The following UCKL1 variants were observed in gnomAD, a reference collection of about 807,000 sequenced individuals.
UCKL1 encodes the protein uridine-cytidine kinase 1 like 1, also known as uridine-cytidine kinase-like 1.
In UCKL1, 65 loss-of-function variants were observed where a neutral mutation model predicts 59.2. That is an observed-to-expected ratio of 1.10 (90% confidence interval 0.90 to 1.35). UCKL1 has a LOEUF of 1.35. Ranked by LOEUF, UCKL1 falls within the 40% of genes most tolerant of loss-of-function variation. The probability of loss-of-function intolerance (pLI) is 0.00; values close to 1 mark genes in which losing one functional copy is unlikely to be tolerated. For synonymous variants in UCKL1, 410 were observed against 323.1 expected (o/e 1.27, Z -2.88); for missense variants, 703 against 784.3 (o/e 0.90, Z 1.24).
intron 5 of UCKL1, among the ~76,000 whole-genome samples, 159 bp downstream of exon 5, chr20:63,945,492 G>T (rs1237294796): frequency 2.0e-5 from 3 of 152,250 alleles, no homozygotes; most frequent in Admixed American, 2.0e-4. Flanking sequence ...GATGGACCCA[G>T]CTGTGGCATG....
intron 1 of UCKL1, 40 bp from the exon 2 acceptor site, chr20:63,946,683 C>T: frequency 1.3e-6 from 2 of 1,585,748 alleles, no homozygotes; most frequent in Non-Finnish European, 1.7e-6. Context: ...CCAGAGCTGC[C>T]CACCTCCCAG....
Position 63,946,446 on chromosome 20 carries a change from C to T in UCKL1, c.304+7G>A. The T allele has an allele frequency of 6.5e-7, 1 of 1,549,186 alleles. No individual in the cohort carries two copies. Among genetic ancestry groups the T allele is most frequent in the East Asian group, 2.3e-5 (1 of 43,598 alleles). On this transcript the variant is annotated splice_region_variant and intron_variant, in intron 2 of 14. Coordinates refer to ENST00000354216, the MANE Select transcript of UCKL1 (RefSeq NM_017859.4). ...GGCAGCAGGTCCCACCCCCCCGCTG[C>T]TCTCACCGATGGCGAAGGCCTCTTT...
chr20:63,945,994 G>A lies in UCKL1; in HGVS notation c.412-19C>T. On this transcript the variant is annotated intron_variant, in intron 3 of 14. Coordinates refer to ENST00000354216, the MANE Select transcript of UCKL1 (RefSeq NM_017859.4). ...TCAGCACCTGGTGGGGGAGGCTGTG[G>A]AGCAGCTGTGGGCACAGTAGGGCCC... 1.9e-6 allele frequency: 3 copies of A among 1,613,506 alleles called. No individual in the cohort carries two copies. The highest frequency in any genetic ancestry group is 2.2e-5 in the East Asian group (1 of 44,876).
At chr20:63,950,238 G>A (rs1160172221) in intron 1 of UCKL1, among the ~76,000 whole-genome samples, 4 of 152,144 alleles carry the variant, frequency 2.6e-5, no homozygotes, top group Admixed American at 1.3e-4. Context: ...GTCTGTCTCA[G>A]AGCCAAGGAC....
rs778092541 is a variant in UCKL1, at chr20:63,940,196, C to T, written c.1521G>A (p.Ala507=). The T allele has an allele frequency of 1.7e-5, 27 of 1,612,780 alleles. 2 individuals are homozygous for T. The South Asian group carries it at 2.0e-4, about 12-fold the overall frequency. ...AAAGGTCATTGACCCGCTTGTCCAC[C>T]GCCGTGGTGATGATTCTCACTCGCG... The part of the protein sequence containing the change: ...AFPRVRIITT[A]VDKRVNDLFR... Residue 507 remains alanine, a synonymous_variant, in exon 14 of 15, where the codon GCG becomes GCA. Coordinates refer to ENST00000354216, the MANE Select transcript of UCKL1 (RefSeq NM_017859.4).
rs752075594 is a variant in UCKL1, at chr20:63,946,593, C to A, written c.164G>T (p.Arg55Leu). ...DRLLPPVGTG[R>L]SPRKRTTSQC... ...GCTGGTGGTCCGCTTCCGGGGAGAG[C>A]GCCCAGTGCCCACAGGTGGCAGGAG... is the stretch of plus-strand genomic sequence containing the variant. The change falls in exon 2 of 15, where the codon CGC (arginine) becomes CTC (leucine). Residue 55 changes from arginine (R) to leucine (L), a missense_variant. By Grantham distance (102) the Arg-to-Leu change is moderately radical. Transcript: ENST00000354216. 1 of 1,611,050 alleles carries A rather than the reference C, an allele frequency of 6.2e-7. No individual in the cohort carries two copies. Among genetic ancestry groups the A allele is most frequent in the Non-Finnish European group, 8.5e-7 (1 of 1,179,826 alleles).
chr20:63,942,590 G>A lies in UCKL1; in HGVS notation c.923+1063C>T, dbSNP rs939814345. On this transcript the variant is annotated intron_variant, in intron 8 of 14. Transcript: ENST00000354216. ...ACAAAGAGAAGGCTGCTTAGTTGGG[G>A]AGCAGGGCGTTCCCCGCAGGCCTGA... The A allele has an allele frequency of 7.6e-6, 6 of 792,198 alleles. No individual in the cohort carries two copies. The African/African-American group carries it at 9.2e-5, about 12-fold the overall frequency. 49.1% of individuals were successfully genotyped at this position (792,198 alleles called of 1,614,324 possible).
chr20:63,944,670 C>T lies in UCKL1; in HGVS notation c.719G>A (p.Arg240Gln). The T allele has an allele frequency of 1.9e-6, 3 of 1,612,672 alleles. No individual in the cohort carries two copies. The highest frequency in any genetic ancestry group is 2.5e-6 in the Non-Finnish European group (3 of 1,179,940). Reference sequence around the variant, plus strand: ...GTCCCGGCCGCGCTCACTGATGTCCCGGCGCAGCCGCCGTACCAGGCGGAT... The same window carrying T: ...GTCCCGGCCGCGCTCACTGATGTCCTGGCGCAGCCGCCGTACCAGGCGGAT... ...SDIRLVRRLRRDISERGRDIE... is the reference protein window; with the variant it reads ...SDIRLVRRLRQDISERGRDIE... Residue 240 changes from arginine (R) to glutamine (Q), a missense_variant, in exon 6 of 15, where the codon CGG becomes CAG. Arg to Gln is a conservative substitution (Grantham distance 43). Around this residue, in one of 4 missense-constraint regions of UCKL1, gnomAD observed 398 missense variants for 373.0 expected, o/e 1.07. Coordinates refer to ENST00000354216, the MANE Select transcript of UCKL1 (RefSeq NM_017859.4).
chr20:63,947,743 C>T (rs2056632754), intron 1 of UCKL1, among the ~76,000 whole-genome samples: 1 of 152,266 alleles, frequency 6.6e-6, no homozygotes, highest in Admixed American at 6.5e-5. Flanking sequence ...TGCCACCTGT[C>T]TGGGCTGCCG....
Position 63,956,156 on chromosome 20 carries a change from T to A in UCKL1, c.113+104A>T. 3 of 1,071,898 alleles carry A rather than the reference T, an allele frequency of 2.8e-6. No homozygotes were observed. The South Asian group carries it at 5.9e-5, about 21-fold the overall frequency. 66.4% of individuals were successfully genotyped at this position (1,071,898 alleles called of 1,614,324 possible). On this transcript the variant is annotated intron_variant, in intron 1 of 14. Coordinates refer to ENST00000354216, the MANE Select transcript of UCKL1 (RefSeq NM_017859.4). ...GGCGCCGCCGCCTGGCCTCCGGGAG[T>A]GGGGGACTTGGGCTCGCGGCGGGGA...
chr20:63,940,749 C>T (rs1342951443), intron 11 of UCKL1, 33 bp from the exon 12 acceptor site: 8 of 1,605,732 alleles, frequency 5.0e-6, no homozygotes, highest in African/African-American at 1.3e-5. Context: ...GCCCACATCC[C>T]GCCCCAGCAG....
rs541447331 is a variant in UCKL1, at chr20:63,946,768, C to T, written c.114-125G>A. 5.0e-6 allele frequency: 5 copies of T among 991,692 alleles called. No individual in the cohort carries two copies. In the East Asian group the frequency reaches 1.1e-4, roughly 21 times the overall value. The allele number at this position is 991,692 out of a possible 1,614,324, so 61.4% of individuals were successfully genotyped here. A position where few individuals can be genotyped will look rare whatever the true frequency, so the allele number is the denominator to read the frequency against. On this transcript the variant is annotated intron_variant, in intron 1 of 14. Coordinates refer to ENST00000354216, the MANE Select transcript of UCKL1 (RefSeq NM_017859.4). ...CAGGCATGGCTGAGGCGGGCAGGCTCATTGGGGGTACATAAGAACTCTGCC... is the reference window on the plus strand; with the variant it reads ...CAGGCATGGCTGAGGCGGGCAGGCTTATTGGGGGTACATAAGAACTCTGCC...
chr20:63,946,150 C>CG lies in UCKL1; in HGVS notation c.411+10dup, dbSNP rs1388789800. 1 of 1,611,186 alleles carries CG rather than the reference C, an allele frequency of 6.2e-7. No homozygotes were observed. The highest frequency in any genetic ancestry group is 1.3e-5 in the African/African-American group (1 of 74,864). On this transcript the variant is annotated intron_variant, in intron 3 of 14. Transcript: ENST00000354216. ...CAAAGGGGTCCTCGGGGGAGCTGGG[C>CG]GGGGGCCCACCTTGTAGAAGGAGTC...
chr20:63,946,599 G>C lies in UCKL1; in HGVS notation c.158C>G (p.Thr53Ser), dbSNP rs550770161. The change falls in exon 2 of 15, where the codon ACT becomes AGT. Residue 53 changes from threonine to serine, a missense_variant. Around this residue, in one of 4 missense-constraint regions of UCKL1, gnomAD observed 398 missense variants for 373.0 expected, o/e 1.07. Transcript: ENST00000354216. ...GGTCCGCTTCCGGGGAGAGCGCCCA[G>C]TGCCCACAGGTGGCAGGAGCCTGTC... ...SLDRLLPPVG[T>S]GRSPRKRTTS... 1.9e-6 allele frequency: 3 copies of C among 1,610,944 alleles called. No individual in the cohort carries two copies. Among genetic ancestry groups the C allele is most frequent in the South Asian group, 2.2e-5 (2 of 91,068 alleles).
At chr20:63,951,185 C>G (rs755485632) in intron 1 of UCKL1, 40 of 1,025,986 alleles carry the variant, frequency 3.9e-5, no homozygotes, top group Middle Eastern at 4.6e-4. Flanking sequence ...AAGAGGATCA[C>G]CCAGCTGGGG....
At chr20:63,951,177 G>A (rs2057531868) in intron 1 of UCKL1, 2 of 1,035,904 alleles carry the variant, frequency 1.9e-6, no homozygotes, top group African/African-American at 1.7e-5. Flanking sequence ...ACAGGCATAA[G>A]AGGATCACCC....
chr20:63,944,323 C>A, intron 7 of UCKL1, 74 bp downstream of exon 7: 1 of 1,439,066 alleles, frequency 6.9e-7, no homozygotes, highest in South Asian at 1.3e-5. Flanking sequence ...GACCAGGCCA[C>A]TGGGGGTGGT....
At chr20:63,947,929 C>T (rs1186872033) in intron 1 of UCKL1, among the ~76,000 whole-genome samples, 2 of 152,188 alleles carry the variant, frequency 1.3e-5, no homozygotes, top group Non-Finnish European at 2.9e-5. Flanking sequence ...GGGGCCGTGA[C>T]TGGCCATGGA....
In UCKL1 at chr20:63,946,441, C is replaced by T. The variant is rs374462270; in HGVS notation, c.304+12G>A. ...CGTCCGGCAGCAGGTCCCACCCCCC[C>T]GCTGCTCTCACCGATGGCGAAGGCC... On this transcript the variant is annotated intron_variant, in intron 2 of 14. Coordinates refer to ENST00000354216, the MANE Select transcript of UCKL1 (RefSeq NM_017859.4). 5.6e-5 allele frequency: 87 copies of T among 1,540,772 alleles called. No homozygotes were observed. Among genetic ancestry groups the T allele is most frequent in the East Asian group, 3.0e-4 (13 of 43,034 alleles).
Sources: gnomAD v4.1 joint callset for allele counts (sites outside exome capture counted in the v4.1 genomes callset) on GRCh38, gnomAD v4.1.1 for gene constraint, gnomAD v4.1.1 regional missense constraint, MANE v1.5 for transcripts, NCBI Gene and HGNC (gene_info 2026-07-23, HGNC 2026-07-21) for gene names.